ZMYM6: variants seen among roughly 807,000 people sequenced by gnomAD.
ZMYM6 encodes zinc finger MYM-type containing 6, also known as zinc finger MYM-type protein 6.
A neutral mutation model predicts 134.0 loss-of-function variants in ZMYM6; 90 were observed. The observed-to-expected ratio is 0.67, with a 90% CI of 0.57 to 0.80. The LOEUF is 0.80. Ranked by LOEUF, ZMYM6 falls within the 30% of genes least tolerant of loss-of-function variation. The pLI is 0.00. For missense variants in ZMYM6, 1,362 were observed against 1,533.9 expected (o/e 0.89, Z 1.87); for synonymous variants, 481 against 524.1 (o/e 0.92, Z 1.12).
intron 2 of ZMYM6, among the ~76,000 whole-genome samples, chr1:35,024,991 C>T (rs1641381876): frequency 6.6e-6 from 1 of 152,030 alleles, no homozygotes; most frequent in African/African-American, 2.4e-5. Context: ...GCCTCAGCCT[C>T]CCCAGTAGCT....
chr1:34,998,445 T>C (rs185309645), intron 14 of ZMYM6, among the ~76,000 whole-genome samples: 13 of 152,334 alleles, frequency 8.5e-5, no homozygotes, highest in South Asian at 8.3e-4. Flanking sequence ...CAGAATGTCA[T>C]TGAAGGTTTT....
Position 34,988,240 on chromosome 1 carries a change from T to C in ZMYM6, c.2842A>G (p.Met948Val). The change falls in exon 16 of 16, where the codon ATG becomes GTG. Residue 948 changes from methionine to valine, a missense_variant. By Grantham distance (21) the Met-to-Val change is conservative (BLOSUM62 1). Coordinates refer to ENST00000357182, the MANE Select transcript of ZMYM6 (RefSeq NM_007167.4). The part of the protein sequence containing the change: ...VKEELLFCIE[M>V]PTQITGFEIF... ...TCAAAGCCAGTTATTTGAGTAGGCA[T>C]TTCAATGCAAAATAATAATTCTTCT... The C allele has an allele frequency of 6.5e-7, 1 of 1,550,218 alleles. No individual in the cohort carries two copies. Among genetic ancestry groups the C allele is most frequent in the Non-Finnish European group, 8.7e-7 (1 of 1,146,288 alleles).
intron 3 of ZMYM6, 33 bp from the exon 4 acceptor site, chr1:35,019,635 C>T: frequency 6.5e-7 from 1 of 1,549,572 alleles, no homozygotes; most frequent in Non-Finnish European, 8.7e-7. Flanking sequence ...GTTTTAGTAT[C>T]AATACTAATG....
chr1:35,029,047 C>A (rs1641468906), intron 2 of ZMYM6, among the ~76,000 whole-genome samples: 1 of 151,908 alleles, frequency 6.6e-6, no homozygotes. Context: ...AAAAAATTAG[C>A]CAGGCGTGGT....
At position 35,015,723 on chromosome 1, in the gene ZMYM6, C is replaced by CAAAAA. The variant is rs1331400824; in HGVS notation, c.429-566_429-562dup. ...TTGGCAACAGAGCTAGACTCCATCTCAAAAAAAAAAAAAAAAAAAAATATA... is the reference window on the plus strand; with the variant it reads ...TTGGCAACAGAGCTAGACTCCATCTCAAAAAAAAAAAAAAAAAAAAAAAAAATATA... On this transcript the variant is annotated intron_variant, in intron 4 of 15. Transcript: ENST00000357182. 3.2e-3 allele frequency among the ~76,000 whole-genome samples: 164 copies of CAAAAA among 51,170 alleles called. 6 individuals are homozygous for CAAAAA. The highest frequency in any genetic ancestry group is 0.017 in the African/African-American group (127 of 7,402). The allele number at this position is 51,170 out of a possible 152,430, so 33.6% of individuals were successfully genotyped here.
At chr1:35,020,242 C>T in intron 3 of ZMYM6, 141 bp downstream of exon 3, 2 of 624,668 alleles carry the variant, frequency 3.2e-6, no homozygotes, top group Non-Finnish European at 2.6e-6. Context: ...TAAAACGCTG[C>T]TGAAAACCAG....
chr1:35,007,180 C>A, intron 11 of ZMYM6, 82 bp from the exon 12 acceptor site: 2 of 1,399,944 alleles, frequency 1.4e-6, no homozygotes, highest in Admixed American at 2.5e-5. Context: ...AGAGGGACTA[C>A]GAAAACAGGA....
At chr1:34,989,054 C>T (rs1265345836) in intron 15 of ZMYM6, 119 bp from the exon 16 acceptor site, 8 of 1,485,722 alleles carry the variant, frequency 5.4e-6, no homozygotes, top group Admixed American at 4.9e-5. Context: ...CAAAAGAATG[C>T]ACTGGTAAAA....
chr1:35,021,530 G>A (rs1416053023), intron 2 of ZMYM6, among the ~76,000 whole-genome samples: 1 of 151,644 alleles, frequency 6.6e-6, no homozygotes, highest in Non-Finnish European at 1.5e-5. Context: ...TGAGGCAGGA[G>A]AATCACTTGA....
chr1:35,010,909 G>C lies in ZMYM6; in HGVS notation c.1190C>G (p.Ser397Cys). ...AGCAGAGCCACGGATGGAGCTGGGG[G>C]AAACGGCAGAGGTGTTACCTCCTCC... ...SIGGGNTSAV[S>C]PSSIRGSAAA... Residue 397 changes from serine to cysteine, a missense_variant, in exon 9 of 16, where the codon TCC becomes TGC. Physicochemically the swap from Ser to Cys is moderately radical, Grantham distance 112. Transcript: ENST00000357182. 1 of 1,613,404 alleles carries C rather than the reference G, an allele frequency of 6.2e-7. No homozygotes were observed. The highest frequency in any genetic ancestry group is 8.5e-7 in the Non-Finnish European group (1 of 1,179,768).
chr1:35,014,141 C>T (rs1456824450), intron 6 of ZMYM6, among the ~76,000 whole-genome samples: 6 of 152,104 alleles, frequency 3.9e-5, no homozygotes, highest in African/African-American at 1.4e-4. Flanking sequence ...CAGTGTTGAC[C>T]AAATAATTAC....
chr1:35,002,389 T>G (rs1177443696), intron 14 of ZMYM6, among the ~76,000 whole-genome samples: 1 of 152,158 alleles, frequency 6.6e-6, no homozygotes. Context: ...AAAACCTTGG[T>G]GGGCTTTAAA....
At chr1:35,008,094 G>A (rs1034613969) in intron 11 of ZMYM6, among the ~76,000 whole-genome samples, 11 of 151,992 alleles carry the variant, frequency 7.2e-5, no homozygotes, top group Admixed American at 2.0e-4. Context: ...TTTTTTTAGA[G>A]GTAGAAAAAC....
intron 14 of ZMYM6, among the ~76,000 whole-genome samples, chr1:34,995,948 T>G (rs569513314): frequency 7.3e-4 from 111 of 152,312 alleles, no homozygotes; most frequent in Non-Finnish European, 1.4e-3. Flanking sequence ...TAATAACAGC[T>G]TGTATAGTAT....
At chr1:34,993,126 T>C (rs1310511327) in intron 14 of ZMYM6, among the ~76,000 whole-genome samples, 1 of 150,448 alleles carries the variant, frequency 6.6e-6, no homozygotes, top group African/African-American at 2.4e-5. Flanking sequence ...TTTTTTTTTT[T>C]TTTGAGACGG....
intron 2 of ZMYM6, among the ~76,000 whole-genome samples, chr1:35,027,574 C>A (rs1641437225): frequency 6.6e-6 from 1 of 151,880 alleles, no homozygotes; most frequent in Non-Finnish European, 1.5e-5. Flanking sequence ...CATAAGGAGA[C>A]CCCGTCTCTA....
At chr1:34,990,245 C>T in intron 15 of ZMYM6, 1 of 246,536 alleles carries the variant, frequency 4.1e-6, no homozygotes, top group Non-Finnish European at 9.5e-6. Flanking sequence ...CTTTGGGAGG[C>T]TGAGGCGGGC....
rs1369575728 is a variant in ZMYM6, at chr1:35,030,644, A to T, written c.-5T>A. 6.2e-7 allele frequency: 1 copy of T among 1,611,068 alleles called. No homozygotes were observed. The highest frequency in any genetic ancestry group is 8.5e-7 in the Non-Finnish European group (1 of 1,179,526). On this transcript the variant is annotated 5_prime_UTR_variant, in exon 2 of 16. Transcript: ENST00000357182. The stretch of plus-strand genomic sequence containing the variant: ...ACCATCCAAAGGTTCTTTCATTCTA[A>T]TTTTTTACCTCAAAGAGTGTCTCAG...
chr1:35,028,468 G>C (rs955481578), intron 2 of ZMYM6, among the ~76,000 whole-genome samples: 2 of 151,964 alleles, frequency 1.3e-5, no homozygotes, highest in African/African-American at 4.8e-5. Context: ...AAAATTCCTT[G>C]CCAAAACAAC....
Sources: allele counts gnomAD v4.1 joint callset (sites outside exome capture counted in the v4.1 genomes callset), GRCh38; gene constraint gnomAD v4.1.1; transcripts MANE v1.5; gene names NCBI Gene and HGNC (gene_info 2026-07-23, HGNC 2026-07-21).